RAB15: variants seen among roughly 807,000 people sequenced by gnomAD.
RAB15 encodes ras-related protein Rab-15.
Under a neutral mutation model 31.8 loss-of-function variants are expected in RAB15, and 13 were observed. That is an observed-to-expected ratio of 0.41 (90% confidence interval 0.27 to 0.65). The LOEUF (loss-of-function observed/expected upper bound fraction) is 0.65. RAB15 is among the 30% of genes least tolerant of loss of function. RAB15 has a pLI of 0.32. For missense variants in RAB15, 220 were observed against 277.3 expected, an observed-to-expected ratio of 0.79 and a Z score of 1.47; for synonymous variants, 100 against 105.6, an observed-to-expected ratio of 0.95 and a Z score of 0.33.
intron 1 of RAB15, among the ~76,000 whole-genome samples, chr14:64,969,217 C>T (rs1887298405): frequency 6.6e-6 from 1 of 152,170 alleles, no homozygotes; most frequent in Non-Finnish European, 1.5e-5. Context: ...CTCTCGGTCT[C>T]AGTGCAGAGC....
Position 64,950,136 on chromosome 14 carries a change from C to T in RAB15, c.414+189G>A, listed in dbSNP as rs1875390333. Among the ~76,000 whole-genome samples the T allele has an allele frequency of 6.6e-6, 1 of 152,176 alleles. No homozygotes were observed. Among genetic ancestry groups the T allele is most frequent in the African/African-American group, 2.4e-5 (1 of 41,432 alleles). On this transcript the variant is annotated intron_variant, in intron 5 of 6. Transcript: ENST00000533601. The surrounding 1 kb of genome is among the most constrained non-coding windows in gnomAD (Gnocchi z 5.6). ...TTGTTTCTGGATGGACCCCGAATCT[C>T]TGGGCTTCTGTCCTGAAACCCAGAC...
rs765849811 is a variant in RAB15, at chr14:64,948,717, C to T, written c.431G>A (p.Gly144Asp). The T allele has an allele frequency of 1.2e-6, 2 of 1,614,068 alleles. 1 individual carries two copies. The highest frequency in any genetic ancestry group is 2.2e-5 in the South Asian group (2 of 91,068). Residue 144 changes from glycine to aspartate, a missense_variant, in exon 6 of 7, where the codon GGC (glycine) becomes GAC (aspartate). By Grantham distance (94) the Gly-to-Asp change is moderately conservative. Transcript: ENST00000533601. This position sits in a 1 kb window ranked among gnomAD's most constrained non-coding sequence, Gnocchi z 7.0. Reference protein sequence around the residue: ...EQGQQLAKEYGMDFYETSACT... With the variant: ...EQGQQLAKEYDMDFYETSACT... Reference sequence around the variant, plus strand: ...GGCACTTGTTTCATAGAAGTCCATGCCATACTCCTTCGCCAGCTGCAAGAG... The same window carrying T: ...GGCACTTGTTTCATAGAAGTCCATGTCATACTCCTTCGCCAGCTGCAAGAG...
At position 64,948,645 on chromosome 14, in the gene RAB15, C is replaced by A. The variant is rs369125871; in HGVS notation, c.480+23G>T. The A allele has an allele frequency of 2.5e-6, 4 of 1,613,770 alleles. No individual in the cohort carries two copies. The highest frequency in any genetic ancestry group is 1.7e-4 in the Middle Eastern group (1 of 6,018). ...GCTGGACTCAGCCCGAGAGAGCGGG[C>A]GCCTGGTCACCAGGGCTCTCACCTC... On this transcript the variant is annotated intron_variant, in intron 6 of 6. Transcript: ENST00000533601. This position sits in a 1 kb window ranked among gnomAD's most constrained non-coding sequence, Gnocchi z 7.0.
rs1887464424 is a variant in RAB15, at chr14:64,972,137, C to A, written c.-61G>T. ...CAGCGGGCTCAGCCCTGCTCCGCCG[C>A]TGCCATCGCGGCCCGCGCCCGCCCG... On this transcript the variant is annotated 5_prime_UTR_variant, in exon 1 of 7. Coordinates refer to ENST00000533601, the MANE Select transcript of RAB15 (RefSeq NM_001308154.2). The surrounding 1 kb of genome is among the most constrained non-coding windows in gnomAD (Gnocchi z 6.3). 1 of 1,261,556 alleles carries A rather than the reference C, an allele frequency of 7.9e-7. No individual in the cohort carries two copies. Among genetic ancestry groups the A allele is most frequent in the Non-Finnish European group, 1.0e-6 (1 of 1,000,800 alleles). 78.1% of individuals were successfully genotyped at this position (1,261,556 alleles called of 1,614,324 possible).
chr14:64,963,416 C>A (rs1374641214), intron 1 of RAB15, among the ~76,000 whole-genome samples: 1 of 152,040 alleles, frequency 6.6e-6, no homozygotes, highest in African/African-American at 2.4e-5. Context: ...CTCCAGCCAC[C>A]CCATCTCGCT....
rs1886383436 is a variant in RAB15 at position 64,953,587 on chromosome 14, A to G, written c.125-1016T>C. ...ACAAGAAACCGAAGGGATTTGGCAA[A>G]TGCGTGCAGGGCAGAAACATATTGG... On this transcript the variant is annotated intron_variant, in intron 1 of 6. Coordinates refer to ENST00000533601, the MANE Select transcript of RAB15 (RefSeq NM_001308154.2). The surrounding 1 kb of genome is among the most constrained non-coding windows in gnomAD (Gnocchi z 4.6). Among the ~76,000 whole-genome samples the G allele has an allele frequency of 6.6e-6, 1 of 152,180 alleles. No individual in the cohort carries two copies. Among genetic ancestry groups the G allele is most frequent in the Non-Finnish European group, 1.5e-5 (1 of 68,026 alleles).
Position 64,972,043 on chromosome 14 carries a change from G to T in RAB15, c.34C>A (p.Leu12Met). The change falls in exon 1 of 7, where the codon CTG (leucine) becomes ATG (methionine). Residue 12 changes from leucine (L) to methionine (M), a missense_variant. Transcript: ENST00000533601. The surrounding 1 kb of genome is among the most constrained non-coding windows in gnomAD (Gnocchi z 6.3). The stretch of plus-strand genomic sequence containing the variant: ...CCCACCCCGGAGTCCCCGATCAGCA[G>T]CAGCCGGAACAGCACATCGTACTGC... ...AKQYDVLFRL[L>M]LIGDSGVGKT... 1 of 1,611,008 alleles carries T rather than the reference G, an allele frequency of 6.2e-7. No homozygotes were observed.
At position 64,968,961 on chromosome 14, in the gene RAB15, T is replaced by C. The variant is rs1887284282; in HGVS notation, c.124+2992A>G. 1.3e-5 allele frequency among the ~76,000 whole-genome samples: 2 copies of C among 152,170 alleles called. No individual in the cohort carries two copies. Among genetic ancestry groups the C allele is most frequent in the South Asian group, 4.1e-4 (2 of 4,830 alleles). ...CACTGCTCCCTGGCGGGTTCTTCTCTAGAAGATCGCAGGCCGTTAAAGTGG... is the reference window on the plus strand; with the variant it reads ...CACTGCTCCCTGGCGGGTTCTTCTCCAGAAGATCGCAGGCCGTTAAAGTGG... On this transcript the variant is annotated intron_variant, in intron 1 of 6. Coordinates refer to ENST00000533601, the MANE Select transcript of RAB15 (RefSeq NM_001308154.2). This position sits in a 1 kb window ranked among gnomAD's most constrained non-coding sequence, Gnocchi z 4.9.
chr14:64,971,733 A>C lies in RAB15; in HGVS notation c.124+220T>G. 1 of 551,782 alleles carries C rather than the reference A, an allele frequency of 1.8e-6. No homozygotes were observed. The highest frequency in any genetic ancestry group is 3.2e-6 in the Non-Finnish European group (1 of 308,586). The allele number at this position is 551,782 out of a possible 1,614,324, so 34.2% of individuals were successfully genotyped here. ...TGATGGGACGGAAGGCTTCCCGGCAAGAGGCGGGAGACCCCACCCCTGGTC... is the reference window on the plus strand; with the variant it reads ...TGATGGGACGGAAGGCTTCCCGGCACGAGGCGGGAGACCCCACCCCTGGTC... On this transcript the variant is annotated intron_variant, in intron 1 of 6. Transcript: ENST00000533601. The surrounding 1 kb of genome is among the most constrained non-coding windows in gnomAD (Gnocchi z 4.1).
intron 5 of RAB15, among the ~76,000 whole-genome samples, chr14:64,949,339 C>G (rs1886102535): frequency 6.6e-6 from 1 of 152,234 alleles, no homozygotes; most frequent in South Asian, 2.1e-4. Context: ...CAATCAATTT[C>G]ATTTTAAGTA....
At chr14:64,964,864 C>T (rs558374910) in intron 1 of RAB15, among the ~76,000 whole-genome samples, 29 of 152,200 alleles carry the variant, frequency 1.9e-4, no homozygotes, top group South Asian at 1.7e-3. Context: ...CGTGAGCCAC[C>T]GCACCCAGCC....
At chr14:64,957,653 T>A (rs1293596166) in intron 1 of RAB15, among the ~76,000 whole-genome samples, 2 of 151,726 alleles carry the variant, frequency 1.3e-5, no homozygotes, top group African/African-American at 4.8e-5. Flanking sequence ...TAGGCAGGAG[T>A]AGGTATTATT....
In RAB15 at chr14:64,962,379, A is replaced by T. The variant is rs1886911197; in HGVS notation, c.124+9574T>A. 6.6e-6 allele frequency among the ~76,000 whole-genome samples: 1 copy of T among 152,260 alleles called. No individual in the cohort carries two copies. The highest frequency in any genetic ancestry group is 2.1e-4 in the South Asian group (1 of 4,834). ...TGTTATTGAATGCTTACAATGTGCC[A>T]GGAACTAAGCCAGGTACTAGAAGAT... On this transcript the variant is annotated intron_variant, in intron 1 of 6. Transcript: ENST00000533601. This position sits in a 1 kb window ranked among gnomAD's most constrained non-coding sequence, Gnocchi z 4.2.
chr14:64,958,985 C>G lies in RAB15; in HGVS notation c.125-6414G>C, dbSNP rs1182245380. ...GAGAAGCAGGTTCAGACTGGACCAT[C>G]AACAGGTTTGCTGGTGACCCACAGG... On this transcript the variant is annotated intron_variant, in intron 1 of 6. Coordinates refer to ENST00000533601, the MANE Select transcript of RAB15 (RefSeq NM_001308154.2). The surrounding 1 kb of genome is among the most constrained non-coding windows in gnomAD (Gnocchi z 4.4). Among the ~76,000 whole-genome samples, 1 of 152,222 alleles carries G rather than the reference C, an allele frequency of 6.6e-6. No homozygotes were observed. The highest frequency in any genetic ancestry group is 1.9e-4 in the East Asian group (1 of 5,198).
chr14:64,950,663 A>C lies in RAB15; in HGVS notation c.325-249T>G. ...CCTTGGGTTAGACCACTGGTATCAG[A>C]GCTGGAAAGGACATTGGATGTAAGT... is the stretch of plus-strand genomic sequence containing the variant. On this transcript the variant is annotated intron_variant, in intron 4 of 6. Transcript: ENST00000533601. This position sits in a 1 kb window ranked among gnomAD's most constrained non-coding sequence, Gnocchi z 5.6. 2 of 599,308 alleles carry C rather than the reference A, an allele frequency of 3.3e-6. No homozygotes were observed. The highest frequency in any genetic ancestry group is 3.0e-6 in the Non-Finnish European group (1 of 336,792). 37.1% of individuals were successfully genotyped at this position (599,308 alleles called of 1,614,324 possible). A position where few individuals can be genotyped will look rare whatever the true frequency, so the allele number is the denominator to read the frequency against.
rs1887237507 is a variant in RAB15, at chr14:64,968,212, C to T, written c.124+3741G>A. 6.6e-6 allele frequency among the ~76,000 whole-genome samples: 1 copy of T among 152,202 alleles called. No individual in the cohort carries two copies. The highest frequency in any genetic ancestry group is 1.5e-5 in the Non-Finnish European group (1 of 68,036). On this transcript the variant is annotated intron_variant, in intron 1 of 6. Transcript: ENST00000533601. This position sits in a 1 kb window ranked among gnomAD's most constrained non-coding sequence, Gnocchi z 4.9. Reference sequence around the variant, plus strand: ...AGAGAGAAACAGAAGAATCTTCTCACTTTCCTGAAGAATCCCTTCTGTTGC... The same window carrying T: ...AGAGAGAAACAGAAGAATCTTCTCATTTTCCTGAAGAATCCCTTCTGTTGC...
rs1415034346 is a variant in RAB15, at chr14:64,971,067, C to A, written c.124+886G>T. 6.6e-6 allele frequency among the ~76,000 whole-genome samples: 1 copy of A among 152,164 alleles called. No individual in the cohort carries two copies. The highest frequency in any genetic ancestry group is 2.4e-5 in the African/African-American group (1 of 41,442). ...GCTACTCCAGGGCTGACCCGGGTAG[C>A]AGCTGAGGATGAAATTCCCTCTACT... On this transcript the variant is annotated intron_variant, in intron 1 of 6. Coordinates refer to ENST00000533601, the MANE Select transcript of RAB15 (RefSeq NM_001308154.2). The surrounding 1 kb of genome is among the most constrained non-coding windows in gnomAD (Gnocchi z 4.1).
In RAB15 at chr14:64,948,413, C is replaced by T. The variant is rs1186861020; in HGVS notation, c.580G>A (p.Glu194Lys). The T allele has an allele frequency of 6.2e-7, 1 of 1,613,230 alleles. No homozygotes were observed. The highest frequency in any genetic ancestry group is 8.5e-7 in the Non-Finnish European group (1 of 1,179,804). ...ASNELALAEL[E>K]EEEGKPEGPA... ...CCCTCGGGTTTGCCCTCCTCCTCCT[C>T]CAGCTCTGCCAGTGCCAACTCATTG... is the stretch of plus-strand genomic sequence containing the variant. The change falls in exon 7 of 7, where the codon GAG becomes AAG. Residue 194 changes from glutamate to lysine, a missense_variant. Physicochemically the swap from Glu to Lys is moderately conservative, Grantham distance 56. Coordinates refer to ENST00000533601, the MANE Select transcript of RAB15 (RefSeq NM_001308154.2). This position sits in a 1 kb window ranked among gnomAD's most constrained non-coding sequence, Gnocchi z 7.0.
At position 64,950,364 on chromosome 14, in the gene RAB15, C is replaced by G. The variant is rs770838628; in HGVS notation, c.375G>C (p.Glu125Asp). 6.2e-7 allele frequency: 1 copy of G among 1,614,184 alleles called. No individual in the cohort carries two copies. The highest frequency in any genetic ancestry group is 8.5e-7 in the Non-Finnish European group (1 of 1,180,020). ...QKILIGNKADEEQKRQVGREQ... is the reference protein window; with the variant it reads ...QKILIGNKADDEQKRQVGREQ... The stretch of plus-strand genomic sequence containing the variant: ...CTCTTCCCACCTGCCGTTTCTGCTC[C>G]TCATCAGCCTTATTCCCAATAAGGA... Residue 125 changes from glutamate to aspartate, a missense_variant, in exon 5 of 7, where the codon GAG (glutamate) becomes GAC (aspartate). Transcript: ENST00000533601. This position sits in a 1 kb window ranked among gnomAD's most constrained non-coding sequence, Gnocchi z 5.6.
Sources: allele counts gnomAD v4.1 joint callset (sites outside exome capture counted in the v4.1 genomes callset), GRCh38; gene constraint gnomAD v4.1.1; non-coding constraint Gnocchi (gnomAD v3.1); transcripts MANE v1.5; gene names NCBI Gene and HGNC (gene_info 2026-07-23, HGNC 2026-07-21).